Variants in AKR1C8 observed in about 807,000 individuals in gnomAD.
AKR1C8 encodes aldo-keto reductase family 1 member C8, also known as aldo-keto reductase family 1 member C-like protein 1.
chr10:5,181,572 G>T, the AKR1C8 span, among the ~76,000 whole-genome samples: 1 of 151,990 alleles, frequency 6.6e-6, no homozygotes, highest in African/African-American at 2.4e-5. Context: ...AAAGTGAACA[G>T]GATCACTTGA....
chr10:5,127,079 A>G, the AKR1C8 span, among the ~76,000 whole-genome samples: 1 of 152,182 alleles, frequency 6.6e-6, no homozygotes. Flanking sequence ...AATCACCCCA[A>G]AAAGATCACA....
the AKR1C8 span, among the ~76,000 whole-genome samples, chr10:5,121,654 T>A: frequency 1.3e-5 from 2 of 151,968 alleles, no homozygotes; most frequent in Admixed American, 1.3e-4. Context: ...TGGGCCCATC[T>A]CCATAAAAAT....
chr10:5,144,156 T>A, the AKR1C8 span, among the ~76,000 whole-genome samples: 5 of 152,168 alleles, frequency 3.3e-5, no homozygotes, highest in African/African-American at 1.2e-4. Context: ...CTTGTTTTTC[T>A]CAGGTTTGTC....
At chr10:5,118,495 G>A in the AKR1C8 span, among the ~76,000 whole-genome samples, 1 of 152,156 alleles carries the variant, frequency 6.6e-6, no homozygotes, top group Non-Finnish European at 1.5e-5. Context: ...ACAGAAAGGT[G>A]GAGGGAAAGT....
the AKR1C8 span, among the ~76,000 whole-genome samples, chr10:5,147,916 C>G: frequency 6.6e-6 from 1 of 152,232 alleles, no homozygotes; most frequent in African/African-American, 2.4e-5. Flanking sequence ...TATCATTGCT[C>G]AAGTAGAGAC....
At chr10:5,155,895 T>A in the AKR1C8 span, 15 of 352,134 alleles carry the variant, frequency 4.3e-5, no homozygotes, top group African/African-American at 3.2e-4. Flanking sequence ...TCCAGGTGCA[T>A]GTGGCTTGAG....
At chr10:5,137,605 C>G in the AKR1C8 span, among the ~76,000 whole-genome samples, 1 of 152,084 alleles carries the variant, frequency 6.6e-6, no homozygotes, top group African/African-American at 2.4e-5. Context: ...TTATGACAAA[C>G]CCACAGCCAA....
chr10:5,140,009 A>G, the AKR1C8 span, among the ~76,000 whole-genome samples: 1 of 152,318 alleles, frequency 6.6e-6, no homozygotes, highest in Non-Finnish European at 1.5e-5. Flanking sequence ...CACTTCTCAA[A>G]AGAAGACATC....
the AKR1C8 span, among the ~76,000 whole-genome samples, chr10:5,119,244 A>G: frequency 1.3e-5 from 2 of 152,210 alleles, no homozygotes; most frequent in Non-Finnish European, 2.9e-5. Flanking sequence ...GCAAGAACTA[A>G]CACCATGCCA....
the AKR1C8 span, chr10:5,162,913 G>A: frequency 1.9e-6 from 1 of 534,548 alleles, no homozygotes; most frequent in Non-Finnish European, 3.8e-6. Flanking sequence ...TCTCCCAAAT[G>A]GCCTGTCCAA....
At chr10:5,180,447 C>T in the AKR1C8 span, among the ~76,000 whole-genome samples, 11 of 152,252 alleles carry the variant, frequency 7.2e-5, no homozygotes, top group African/African-American at 2.7e-4. Flanking sequence ...CTTGAGGAGA[C>T]AGTCTGCCTG....
the AKR1C8 span, among the ~76,000 whole-genome samples, chr10:5,179,721 G>A: frequency 4.9e-3 from 747 of 151,372 alleles, 5 homozygotes; most frequent in Middle Eastern, 0.014. Flanking sequence ...CATTTCATTC[G>A]TTTCATCTTC....
chr10:5,150,785 A>G, the AKR1C8 span, among the ~76,000 whole-genome samples: 9,296 of 152,224 alleles, frequency 0.061, 343 homozygotes, highest in Middle Eastern at 0.082. Flanking sequence ...AAGGAGACTC[A>G]GTTTCCCAAG....
chr10:5,162,049 C>T, the AKR1C8 span: 1 of 472,984 alleles, frequency 2.1e-6, no homozygotes, highest in Non-Finnish European at 4.3e-6. Flanking sequence ...CATGGTCAGA[C>T]ATTGAGATAT....
At chr10:5,120,657 C>T in the AKR1C8 span, among the ~76,000 whole-genome samples, 1 of 152,060 alleles carries the variant, frequency 6.6e-6, no homozygotes, top group Admixed American at 6.6e-5. Flanking sequence ...CTACTTAAAG[C>T]CTTTCAGTAT....
chr10:5,163,283 GAATAT>G, the AKR1C8 span, among the ~76,000 whole-genome samples: 12 of 152,270 alleles, frequency 7.9e-5, no homozygotes, highest in Admixed American at 7.2e-4. Flanking sequence ...TGTAGAAATT[GAATAT>G]AACATATTAG....
At chr10:5,165,639 T>G in the AKR1C8 span, among the ~76,000 whole-genome samples, 3 of 152,174 alleles carry the variant, frequency 2.0e-5, no homozygotes, top group South Asian at 4.1e-4. Flanking sequence ...ACACCTGTTC[T>G]ACATCCACTT....
the AKR1C8 span, among the ~76,000 whole-genome samples, chr10:5,126,423 G>T: frequency 6.6e-6 from 1 of 152,118 alleles, no homozygotes; most frequent in Non-Finnish European, 1.5e-5. Flanking sequence ...GCTGGGAAGT[G>T]CATAGCTTTC....
the AKR1C8 span, among the ~76,000 whole-genome samples, chr10:5,179,932 G>T: frequency 4.6e-5 from 7 of 152,090 alleles, no homozygotes; most frequent in Non-Finnish European, 8.8e-5. Flanking sequence ...TCCTCCTGTA[G>T]CTCAGAGTAG....
Sources: allele counts gnomAD v4.1 joint callset (sites outside exome capture counted in the v4.1 genomes callset), GRCh38; gene constraint gnomAD v4.1.1; transcripts MANE v1.5; gene names NCBI Gene and HGNC (gene_info 2026-07-23, HGNC 2026-07-21).